Variants in CDH13 observed in about 807,000 individuals in gnomAD.
CDH13 encodes the protein cadherin-13.
CDH13 carries 24 observed loss-of-function variants against 63.8 expected under a neutral mutation model. The observed-to-expected ratio is 0.38, with a 90% confidence interval of 0.27 to 0.53. CDH13 has a LOEUF of 0.53. Among genes scored for constraint, CDH13 ranks in the 20% least tolerant of loss-of-function variants. The pLI is 0.85. For synonymous variants in CDH13, 503 were observed against 355.3 expected (o/e 1.42, Z -4.67); for missense variants, 1,049 against 903.1 (o/e 1.16, Z -2.07).
At chr16:82,729,953 C>G (rs529205521) in intron 1 of CDH13, among the ~76,000 whole-genome samples, 1 of 152,282 alleles carries the variant, frequency 6.6e-6, no homozygotes, top group South Asian at 2.1e-4. Flanking sequence ...ATGAACCAAA[C>G]TCTGCTAGCT....
intron 6 of CDH13, among the ~76,000 whole-genome samples, chr16:83,370,384 T>A (rs1261682645): frequency 9.7e-5 from 14 of 145,074 alleles, no homozygotes; most frequent in Non-Finnish European, 1.8e-4. Context: ...CGAGACTCCA[T>A]TTCAAAAAAA....
intron 3 of CDH13, among the ~76,000 whole-genome samples, chr16:83,035,377 C>T (rs1916755096): frequency 6.6e-6 from 1 of 152,156 alleles, no homozygotes; most frequent in South Asian, 2.1e-4. Context: ...TCAAGGGGAG[C>T]TGGGCTGGTC....
chr16:83,526,555 C>T (rs892066715), intron 7 of CDH13, among the ~76,000 whole-genome samples: 9 of 152,168 alleles, frequency 5.9e-5, no homozygotes, highest in African/African-American at 2.2e-4. Flanking sequence ...ATACCGAGCT[C>T]AGATGGTAAT....
chr16:83,690,964 C>T (rs915617847), intron 10 of CDH13, among the ~76,000 whole-genome samples: 3 of 152,048 alleles, frequency 2.0e-5, no homozygotes, highest in Admixed American at 2.0e-4. Context: ...TCAAGTGATC[C>T]ACCTGCCTCG....
chr16:83,411,456 C>T (rs1056376860), intron 6 of CDH13, among the ~76,000 whole-genome samples: 3 of 152,180 alleles, frequency 2.0e-5, no homozygotes, highest in Non-Finnish European at 4.4e-5. Context: ...GGCCTTGTCT[C>T]TCTTGTTCTC....
At chr16:83,465,121 C>T (rs951871003) in intron 6 of CDH13, among the ~76,000 whole-genome samples, 21 of 152,068 alleles carry the variant, frequency 1.4e-4, no homozygotes, top group Non-Finnish European at 2.6e-4. Flanking sequence ...AAGAGGGTTG[C>T]GGGGATTCAT....
chr16:82,717,844 G>A (rs1282773283), intron 1 of CDH13, among the ~76,000 whole-genome samples: 1 of 146,346 alleles, frequency 6.8e-6, no homozygotes, highest in Non-Finnish European at 1.5e-5. Flanking sequence ...TCAGCCTACT[G>A]TAGTAGGGGT....
At chr16:83,669,013 C>T (rs1048260466) in intron 8 of CDH13, among the ~76,000 whole-genome samples, 1 of 152,302 alleles carries the variant, frequency 6.6e-6, no homozygotes, top group Non-Finnish European at 1.5e-5. Context: ...CTGCTTCTTG[C>T]CCCGACTACA....
intron 2 of CDH13, among the ~76,000 whole-genome samples, chr16:82,886,392 A>T (rs1351094028): frequency 6.6e-6 from 1 of 152,168 alleles, no homozygotes; most frequent in African/African-American, 2.4e-5. Context: ...TTGCCAGTGT[A>T]TGTGTTATCA....
At chr16:83,394,677 A>T (rs2091851754) in intron 6 of CDH13, among the ~76,000 whole-genome samples, 1 of 152,188 alleles carries the variant, frequency 6.6e-6, no homozygotes, top group Non-Finnish European at 1.5e-5. Flanking sequence ...TGTCTGGAAG[A>T]GATCAAAGTG....
At chr16:83,435,319 C>T (rs1364005848) in intron 6 of CDH13, among the ~76,000 whole-genome samples, 2 of 152,152 alleles carry the variant, frequency 1.3e-5, no homozygotes, top group Non-Finnish European at 2.9e-5. Flanking sequence ...GCTGGGATTA[C>T]AAGAGTGAGC....
intron 1 of CDH13, chr16:82,688,920 G>C (rs924718648): frequency 5.9e-5 from 9 of 152,240 alleles, no homozygotes; most frequent in African/African-American, 1.9e-4. Flanking sequence ...GAGGGGCTTG[G>C]TCAGGCTTCC....
chr16:82,701,266 A>G (rs1279473820), intron 1 of CDH13, among the ~76,000 whole-genome samples: 3 of 152,136 alleles, frequency 2.0e-5, no homozygotes, highest in African/African-American at 4.8e-5. Context: ...CCCTAGTTCA[A>G]GGTCCTATTT....
intron 8 of CDH13, among the ~76,000 whole-genome samples, chr16:83,623,965 T>G (rs1910042928): frequency 6.6e-6 from 1 of 152,132 alleles, no homozygotes; most frequent in Non-Finnish European, 1.5e-5. Context: ...GGAACAGAAA[T>G]CCACTTTCAA....
chr16:83,049,341 T>TC (rs1406001368), intron 3 of CDH13, among the ~76,000 whole-genome samples: 32 of 146,936 alleles, frequency 2.2e-4, no homozygotes, highest in Non-Finnish European at 4.2e-4. Flanking sequence ...TTTTTTTTTT[T>TC]TTTTTGAGAC....
chr16:83,759,914 T>G, intron 11 of CDH13, among the ~76,000 whole-genome samples: 1 of 141,642 alleles, frequency 7.1e-6, no homozygotes, highest in South Asian at 2.3e-4. Context: ...GAGGACAGAG[T>G]GAGATCCTGT....
chr16:83,106,062 GTTAT>G (rs1318920594), intron 3 of CDH13, among the ~76,000 whole-genome samples: 1 of 152,166 alleles, frequency 6.6e-6, no homozygotes, highest in Non-Finnish European at 1.5e-5. Context: ...CCACTGGTGG[GTTAT>G]TTGTCAATAT....
Position 83,602,701 on chromosome 16 carries a change from A to G in CDH13, c.1101+107A>G, listed in dbSNP as rs1263015397. ...CCTGCTGGCCCCCCTTTCAAAATCA[A>G]AATACTCCTTTGTGGGAGAGACGAT... On this transcript the variant is annotated intron_variant, in intron 8 of 13. Transcript: ENST00000567109. 7.2e-6 allele frequency: 8 copies of G among 1,114,062 alleles called. No homozygotes were observed. In the East Asian group the frequency reaches 1.9e-4, roughly 26 times the overall value. 69.0% of individuals were successfully genotyped at this position (1,114,062 alleles called of 1,614,324 possible).
chr16:83,372,589 T>TA (rs1277798541), intron 6 of CDH13, among the ~76,000 whole-genome samples: 2 of 151,602 alleles, frequency 1.3e-5, no homozygotes, highest in Admixed American at 1.3e-4. Context: ...CCATCTCTAC[T>TA]AAAAATATAA....
Sources: gnomAD v4.1 joint callset for allele counts (sites outside exome capture counted in the v4.1 genomes callset) on GRCh38, gnomAD v4.1.1 for gene constraint, MANE v1.5 for transcripts, NCBI Gene and HGNC (gene_info 2026-07-23, HGNC 2026-07-21) for gene names.